The following CDKN2C variants were observed in gnomAD, a reference collection of about 807,000 sequenced individuals.
CDKN2C encodes cyclin-dependent kinase 4 inhibitor C.
A neutral mutation model predicts 11.0 loss-of-function variants in CDKN2C; 5 were observed. That is an observed-to-expected ratio of 0.45 (90% CI 0.24 to 0.95). The LOEUF is 0.95. CDKN2C is among the 40% of genes least tolerant of loss of function. CDKN2C has a pLI of 0.21. For missense variants in CDKN2C, 161 were observed against 211.9 expected (o/e 0.76, Z 1.49); for synonymous variants, 79 against 88.3 (o/e 0.89, Z 0.59).
chr1:50,963,009 A>G (rs1645333073), intron 1 of CDKN2C, among the ~76,000 whole-genome samples: 2 of 152,208 alleles, frequency 1.3e-5, no homozygotes, highest in Admixed American at 1.3e-4. Context: ...TGAATGTTGA[A>G]TGATCAAATG....
At chr1:50,973,793 AAAAT>A (rs1003671721) in intron 1 of CDKN2C, 96 bp from the exon 2 acceptor site, 41 of 1,452,028 alleles carry the variant, frequency 2.8e-5, no homozygotes, top group Non-Finnish European at 3.6e-5. Flanking sequence ...AACTCCATCA[AAAAT>A]AAATAGTTAC....
chr1:50,970,633 T>C (rs1174920476), intron 1 of CDKN2C, 136 bp downstream of exon 1: 43 of 974,978 alleles, frequency 4.4e-5, no homozygotes, highest in Non-Finnish European at 6.8e-5. Flanking sequence ...CCATATTTTA[T>C]ATCTTTAAGT....
upstream of CDKN2C, among the ~76,000 whole-genome samples, chr1:50,967,406 T>C (rs1354230666): frequency 2.0e-5 from 3 of 152,210 alleles, no homozygotes; most frequent in African/African-American, 7.2e-5. Flanking sequence ...TCTCAACAAT[T>C]ACATTAAAGA....
upstream of CDKN2C, chr1:50,968,393 CCT>C (rs1645358902): frequency 1.3e-5 from 2 of 152,390 alleles, no homozygotes; most frequent in South Asian, 2.1e-4. Context: ...ATAACAAACC[CCT>C]GTCCTCGCCC....
chr1:50,966,484 C>G (rs1645347732), upstream of CDKN2C, among the ~76,000 whole-genome samples: 1 of 152,138 alleles, frequency 6.6e-6, no homozygotes, highest in African/African-American at 2.4e-5. Context: ...AAGCACCACT[C>G]TCAATATAGT....
upstream of CDKN2C, among the ~76,000 whole-genome samples, chr1:50,966,903 T>C (rs942712528): frequency 2.0e-5 from 3 of 152,212 alleles, no homozygotes; most frequent in Non-Finnish European, 4.4e-5. Context: ...TGGTAGAACA[T>C]CAAAATCTTT....
upstream of CDKN2C, among the ~76,000 whole-genome samples, chr1:50,967,350 T>C (rs1258473207): frequency 6.6e-6 from 1 of 152,250 alleles, no homozygotes; most frequent in South Asian, 2.1e-4. Flanking sequence ...TCTCATTTGA[T>C]TCACAATTCA....
At chr1:50,966,407 TTAATATC>T (rs1170527608), upstream of CDKN2C, among the ~76,000 whole-genome samples, 5 of 152,210 alleles carry the variant, frequency 3.3e-5, no homozygotes. Context: ...CTGTTAATAT[TTAATATC>T]TAACTATAAA....
rs375921759 is a variant in CDKN2C, at chr1:50,974,010, C to G, written c.247C>G (p.Leu83Val). 37 of 1,614,064 alleles carry G rather than the reference C, an allele frequency of 2.3e-5. No individual in the cohort carries two copies. The highest frequency in any genetic ancestry group is 3.3e-5 in the Admixed American group (2 of 60,002). ...VIHDAARAGF[L>V]DTLQTLLEFQ... ...TCATGATGCGGCCAGAGCAGGTTTC[C>G]TGGACACTTTACAGACTTTGCTGGA... Residue 83 changes from leucine to valine, a missense_variant, in exon 2 of 2, where the codon CTG (leucine) becomes GTG (valine). Physicochemically the swap from Leu to Val is conservative, Grantham distance 32. Coordinates refer to ENST00000371761, the MANE Select transcript of CDKN2C (RefSeq NM_078626.3).
chr1:50,974,243 G>T lies in CDKN2C; in HGVS notation c.480G>T (p.Gly160=). The T allele has an allele frequency of 6.4e-7, 1 of 1,567,418 alleles. No individual in the cohort carries two copies. Among genetic ancestry groups the T allele is most frequent in the Non-Finnish European group, 8.7e-7 (1 of 1,155,650 alleles). Residue 160 remains glycine, a synonymous_variant, in exon 2 of 2, where the codon GGG becomes GGT. Transcript: ENST00000371761. Reference sequence around the variant, plus strand: ...TTGTTAGCCTGATGCAGGCAAACGGGGCTGGGGGAGCCACAAATCTTCAAT... The same window carrying T: ...TTGTTAGCCTGATGCAGGCAAACGGTGCTGGGGGAGCCACAAATCTTCAAT... The part of the protein sequence containing the change: ...NEVVSLMQAN[G]AGGATNLQ
upstream of CDKN2C, chr1:50,969,869 C>CATG (rs1425372459): frequency 4.8e-6 from 1 of 210,080 alleles, no homozygotes; most frequent in Non-Finnish European, 9.8e-6. The surrounding 1 kb of genome is among the most constrained non-coding windows in gnomAD (Gnocchi z 6.6). Flanking sequence ...AGTTCTGCCT[C>CATG]ACACGGCTCA....
At chr1:50,973,572 A>G (rs1251587468) in intron 1 of CDKN2C, among the ~76,000 whole-genome samples, 1 of 152,172 alleles carries the variant, frequency 6.6e-6, no homozygotes, top group Non-Finnish European at 1.5e-5. Context: ...AAATTACACA[A>G]CTCTTCATGG....
chr1:50,967,755 A>T (rs1186814917), upstream of CDKN2C, among the ~76,000 whole-genome samples: 1 of 152,240 alleles, frequency 6.6e-6, no homozygotes, highest in Non-Finnish European at 1.5e-5. Context: ...TAAATAAAGG[A>T]TTAGGAGAGA....
upstream of CDKN2C, among the ~76,000 whole-genome samples, chr1:50,966,488 A>G (rs527575802): frequency 1.3e-5 from 2 of 152,236 alleles, no homozygotes. Flanking sequence ...ACCACTCTCA[A>G]TATAGTAGAA....
At chr1:50,967,805 A>T (rs1187577799), upstream of CDKN2C, 1 of 152,168 alleles carries the variant, frequency 6.6e-6, no homozygotes, top group Admixed American at 6.5e-5. Flanking sequence ...CATCCCCAAA[A>T]TCCAAGCCAC....
chr1:50,964,382 C>T (rs988122718), intron 1 of CDKN2C, among the ~76,000 whole-genome samples: 7 of 152,136 alleles, frequency 4.6e-5, no homozygotes, highest in African/African-American at 9.7e-5. Context: ...TGTGTATCAC[C>T]GCAGAGGTGA....
upstream of CDKN2C, among the ~76,000 whole-genome samples, chr1:50,966,402 A>C (rs1645347443): frequency 6.6e-6 from 1 of 152,180 alleles, no homozygotes; most frequent in Non-Finnish European, 1.5e-5. Flanking sequence ...CATGACTGTT[A>C]ATATTTAATA....
upstream of CDKN2C, chr1:50,969,726 G>A (rs1460742270): frequency 5.8e-6 from 1 of 171,944 alleles, no homozygotes; most frequent in Non-Finnish European, 1.3e-5. This position sits in a 1 kb window ranked among gnomAD's most constrained non-coding sequence, Gnocchi z 6.6. Flanking sequence ...GTTCGCCTTT[G>A]GCGATCATCT....
At chr1:50,965,569 C>G (rs2124775907), upstream of CDKN2C, among the ~76,000 whole-genome samples, 1 of 151,858 alleles carries the variant, frequency 6.6e-6, no homozygotes, top group South Asian at 2.1e-4. Context: ...ATTATCCAGG[C>G]ATGGTGGAGC....
Sources: gnomAD v4.1 joint callset for allele counts (sites outside exome capture counted in the v4.1 genomes callset) on GRCh38, gnomAD v4.1.1 for gene constraint, Gnocchi (gnomAD v3.1) non-coding constraint, MANE v1.5 for transcripts, NCBI Gene and HGNC (gene_info 2026-07-23, HGNC 2026-07-21) for gene names.